The following HECW2 variants were observed in gnomAD, a reference collection of about 807,000 sequenced individuals.
The protein encoded by HECW2 is HECT, C2 and WW domain containing E3 ubiquitin protein ligase 2.
A neutral mutation model predicts 175.2 loss-of-function variants in HECW2; 61 were observed. The ratio of observed to expected loss-of-function variants is 0.35; its 90% confidence interval spans 0.28 to 0.43. HECW2 has a LOEUF of 0.43. HECW2 is among the 20% of genes least tolerant of loss of function. HECW2 has a pLI of 1.00. For synonymous variants in HECW2, 671 were observed against 731.0 expected (o/e 0.92, Z 1.32); for missense variants, 1,524 against 2,000.5 (o/e 0.76, Z 4.54).
rs1243722565 is a variant in HECW2 at position 196,291,847 on chromosome 2, T to C, written c.3000+718A>G. ...AGCTTAAACAGTTCATGGCTCATAG[T>C]AGGTACTACATAAGAGTTAAATAAA... On this transcript the variant is annotated intron_variant, in intron 14 of 28. Coordinates refer to ENST00000644978, the MANE Select transcript of HECW2 (RefSeq NM_001348768.2). The C allele has an allele frequency of 5.3e-5, 8 of 152,242 alleles. No individual in the cohort carries two copies. The East Asian group carries it at 9.6e-4, about 18-fold the overall frequency. 9.4% of individuals were successfully genotyped at this position (152,242 alleles called of 1,614,324 possible).
chr2:196,394,770 T>C (rs887488384), intron 2 of HECW2, among the ~76,000 whole-genome samples: 1 of 152,170 alleles, frequency 6.6e-6, no homozygotes, highest in Non-Finnish European at 1.5e-5. Flanking sequence ...TTTGAACAAA[T>C]AGTGCTGGGA....
At chr2:196,322,017 T>A (rs533847467) in intron 7 of HECW2, among the ~76,000 whole-genome samples, 2 of 152,244 alleles carry the variant, frequency 1.3e-5, no homozygotes, top group Non-Finnish European at 2.9e-5. Context: ...AATGAATGTA[T>A]ATGTCTAGGA....
chr2:196,329,629 C>T lies in HECW2; in HGVS notation c.517G>A (p.Gly173Arg). 6.2e-7 allele frequency: 1 copy of T among 1,613,666 alleles called. No homozygotes were observed. The highest frequency in any genetic ancestry group is 8.5e-7 in the Non-Finnish European group (1 of 1,179,646). Residue 173 changes from glycine to arginine, a missense_variant, in exon 5 of 29, where the codon GGA becomes AGA. This residue lies in a region of HECW2 where 54 missense variants were observed against 46.8 expected (regional missense o/e 1.15). Transcript: ENST00000644978. ...AVMMGAEGME[G>R]GASGNLHSRK... Reference sequence around the variant, plus strand: ...GAATGCAGGTTTCCTGAAGCACCTCCCTCCATGCCTTCTGCCCCCATCTGA... The same window carrying T: ...GAATGCAGGTTTCCTGAAGCACCTCTCTCCATGCCTTCTGCCCCCATCTGA...
intron 2 of HECW2, among the ~76,000 whole-genome samples, chr2:196,357,704 G>A (rs531602548): frequency 6.6e-6 from 1 of 152,270 alleles, no homozygotes; most frequent in Non-Finnish European, 1.5e-5. Flanking sequence ...GGATCATGGG[G>A]GTGGTTCTCT....
intron 14 of HECW2, among the ~76,000 whole-genome samples, chr2:196,280,363 C>T (rs1690140362): frequency 6.6e-6 from 1 of 152,166 alleles, no homozygotes; most frequent in Non-Finnish European, 1.5e-5. Flanking sequence ...ATTTAGAAAC[C>T]TATTTTCCCA....
At chr2:196,305,829 C>G (rs1158404830) in intron 13 of HECW2, among the ~76,000 whole-genome samples, 1 of 152,106 alleles carries the variant, frequency 6.6e-6, no homozygotes, top group Admixed American at 6.5e-5. Flanking sequence ...TGGATTATAT[C>G]CTGCTAGACT....
At chr2:196,409,426 C>G (rs1029995199) in intron 2 of HECW2, among the ~76,000 whole-genome samples, 14 of 152,174 alleles carry the variant, frequency 9.2e-5, no homozygotes, top group African/African-American at 2.4e-4. Flanking sequence ...CCTACCCTGA[C>G]TCCCGAGATC....
intron 2 of HECW2, among the ~76,000 whole-genome samples, chr2:196,400,582 C>T (rs1328401416): frequency 1.3e-5 from 2 of 152,254 alleles, no homozygotes; most frequent in South Asian, 4.1e-4. Context: ...TGTTCTACTC[C>T]TATTCCATAG....
At chr2:196,258,108 C>T in intron 17 of HECW2, 1 of 545,642 alleles carries the variant, frequency 1.8e-6, no homozygotes, top group South Asian at 2.4e-5. Flanking sequence ...GCATCAACAC[C>T]TCCCAGTTCT....
intron 23 of HECW2, among the ~76,000 whole-genome samples, chr2:196,224,698 G>A (rs571957321): frequency 1.3e-5 from 2 of 152,280 alleles, no homozygotes; most frequent in African/African-American, 4.8e-5. Flanking sequence ...GTTTTCTGGT[G>A]GGAAAGAAAC....
At position 196,222,238 on chromosome 2, in the gene HECW2, G is replaced by A. The variant is rs1559445367; in HGVS notation, c.4119C>T (p.Phe1373=). 6.2e-7 allele frequency: 1 copy of A among 1,613,690 alleles called. No individual in the cohort carries two copies. The highest frequency in any genetic ancestry group is 8.5e-7 in the Non-Finnish European group (1 of 1,179,814). The change falls in exon 24 of 29, where the codon TTC becomes TTT. Residue 1373 remains phenylalanine, a synonymous_variant. Transcript: ENST00000644978. ...NDIHDILDLT[F]TVNEEVFGQI... is the part of the protein sequence containing the mutation. Reference sequence around the variant, plus strand: ...GCCCAAATACTTCTTCGTTCACAGTGAACGTGAGGTCTAGGATGTCATGGA... The same window carrying A: ...GCCCAAATACTTCTTCGTTCACAGTAAACGTGAGGTCTAGGATGTCATGGA...
At chr2:196,233,292 C>T (rs1688125698) in intron 21 of HECW2, among the ~76,000 whole-genome samples, 1 of 152,132 alleles carries the variant, frequency 6.6e-6, no homozygotes, top group South Asian at 2.1e-4. Flanking sequence ...TCCAGGGTGG[C>T]CATGTAGTCT....
chr2:196,565,377 T>G (rs540551609), intron 1 of HECW2, among the ~76,000 whole-genome samples: 1 of 152,336 alleles, frequency 6.6e-6, no homozygotes, highest in South Asian at 2.1e-4. Flanking sequence ...AGAAGAATTC[T>G]TATGCAACAA....
intron 22 of HECW2, among the ~76,000 whole-genome samples, chr2:196,226,850 T>C (rs776208457): frequency 6.6e-6 from 1 of 152,226 alleles, no homozygotes; most frequent in Non-Finnish European, 1.5e-5. Context: ...TTCTGGGACA[T>C]TCTGTTCTCT....
chr2:196,569,005 T>C (rs1690280987), intron 1 of HECW2, among the ~76,000 whole-genome samples: 1 of 152,198 alleles, frequency 6.6e-6, no homozygotes, highest in Non-Finnish European at 1.5e-5. Context: ...TTCAGTGCAG[T>C]ATTCACTAAA....
chr2:196,527,749 A>T (rs1160868058), intron 1 of HECW2, among the ~76,000 whole-genome samples: 2 of 152,232 alleles, frequency 1.3e-5, no homozygotes, highest in Admixed American at 1.3e-4. Flanking sequence ...TAACAGCAGC[A>T]CGCTTTGAAC....
rs533207925 is a variant in HECW2 at position 196,458,438 on chromosome 2, A to T, written c.-35-24980T>A. ...TTCTCTCTCTCCCTCTCACTCACTC[A>T]CACACACACACACACACACACATAC... is the stretch of plus-strand genomic sequence containing the variant. On this transcript the variant is annotated intron_variant, in intron 1 of 28. Coordinates refer to ENST00000644978, the MANE Select transcript of HECW2 (RefSeq NM_001348768.2). 9.2e-3 allele frequency among the ~76,000 whole-genome samples: 1,351 copies of T among 146,586 alleles called. 18 individuals carry two copies. The highest frequency in any genetic ancestry group is 0.032 in the African/African-American group (1,227 of 37,782).
rs1474705080 is a variant in HECW2 at position 196,329,674 on chromosome 2, G to A, written c.496-24C>T. The stretch of plus-strand genomic sequence containing the variant: ...ATCTGAAAAGAAAAAACATGCATCT[G>A]AAGTTTCAGAAGCATATGATGCCAC... On this transcript the variant is annotated intron_variant, in intron 4 of 28. Transcript: ENST00000644978. The A allele has an allele frequency of 3.1e-6, 5 of 1,595,870 alleles. No individual in the cohort carries two copies. The Admixed American group carries it at 5.0e-5, about 16-fold the overall frequency.
intron 1 of HECW2, chr2:196,493,385 C>G (rs545180089): frequency 9.2e-5 from 14 of 152,108 alleles, no homozygotes; most frequent in African/African-American, 3.1e-4. Context: ...CCTGTCAGAA[C>G]AACAACAAAA....
Sources: allele counts gnomAD v4.1 joint callset (sites outside exome capture counted in the v4.1 genomes callset), GRCh38; gene constraint gnomAD v4.1.1; regional missense constraint gnomAD v4.1.1; transcripts MANE v1.5; gene names NCBI Gene and HGNC (gene_info 2026-07-23, HGNC 2026-07-21).